TSEN2: variants seen among roughly 807,000 people sequenced by gnomAD.
TSEN2 encodes the protein tRNA splicing endonuclease subunit 2.
Under a neutral mutation model 59.2 loss-of-function variants are expected in TSEN2, and 54 were observed. That is an observed-to-expected ratio of 0.91 (90% confidence interval 0.73 to 1.14). TSEN2 has a LOEUF of 1.14. Ranked by LOEUF, TSEN2 falls within the 50% of genes most tolerant of loss-of-function variation. The pLI is 0.00. For missense variants in TSEN2, 636 were observed against 576.2 expected, an observed-to-expected ratio of 1.10 and a Z score of -1.06; for synonymous variants, 195 against 198.2, an observed-to-expected ratio of 0.98 and a Z score of 0.14.
upstream of TSEN2, among the ~76,000 whole-genome samples, chr3:12,482,903 C>T (rs2052233816): frequency 6.6e-6 from 1 of 152,246 alleles, no homozygotes; most frequent in Non-Finnish European, 1.5e-5. Context: ...TTACCATATC[C>T]TGTGACTCTT....
intron 1 of TSEN2, among the ~76,000 whole-genome samples, chr3:12,485,547 CCT>C (rs2052529849): frequency 1.3e-5 from 2 of 152,122 alleles, no homozygotes; most frequent in Admixed American, 1.3e-4. Context: ...TTTGAATAGA[CCT>C]TGCTGTTACC....
At chr3:12,492,454 T>C (rs909518605) in intron 3 of TSEN2, among the ~76,000 whole-genome samples, 1 of 152,202 alleles carries the variant, frequency 6.6e-6, no homozygotes, top group African/African-American at 2.4e-5. Context: ...GTTAAGTGTT[T>C]GCTTAGCAGA....
At position 12,506,743 on chromosome 3, in the gene TSEN2, G is replaced by A. The variant is rs146852986; in HGVS notation, c.909+1512G>A. On this transcript the variant is annotated intron_variant, in intron 6 of 11. Coordinates refer to ENST00000284995, the MANE Select transcript of TSEN2 (RefSeq NM_025265.4). ...AATGTCTTTTCTGCCTTTGAAGCTA[G>A]GACCGCTTCTTGGGCTCCCCTCTTC... 293 of 985,314 alleles carry A rather than the reference G, an allele frequency of 3.0e-4. 1 individual carries two copies. In the African/African-American group the frequency reaches 4.9e-3, roughly 16 times the overall value. The allele number at this position is 985,314 out of a possible 1,614,324, so 61.0% of individuals were successfully genotyped here. A position where few individuals can be genotyped will look rare whatever the true frequency, so the allele number is the denominator to read the frequency against.
In TSEN2 at chr3:12,532,881, G is replaced by C; in HGVS notation, c.*160G>C. 1 of 730,252 alleles carries C rather than the reference G, an allele frequency of 1.4e-6. No individual in the cohort carries two copies. Among genetic ancestry groups the C allele is most frequent in the Non-Finnish European group, 2.3e-6 (1 of 427,872 alleles). 45.2% of individuals were successfully genotyped at this position (730,252 alleles called of 1,614,324 possible). A position where few individuals can be genotyped will look rare whatever the true frequency, so the allele number is the denominator to read the frequency against. On this transcript the variant is annotated 3_prime_UTR_variant, in exon 12 of 12. Coordinates refer to ENST00000284995, the MANE Select transcript of TSEN2 (RefSeq NM_025265.4). Reference sequence around the variant, plus strand: ...GTGTTTTTAAAGATAAATTACACAAGGGAGGAGAAAGATCCCTGTGCTAGG... The same window carrying C: ...GTGTTTTTAAAGATAAATTACACAACGGAGGAGAAAGATCCCTGTGCTAGG...
rs1201423202 is a variant in TSEN2, at chr3:12,516,666, G to C, written c.960+5G>C. 20 of 1,613,874 alleles carry C rather than the reference G, an allele frequency of 1.2e-5. No homozygotes were observed. Among genetic ancestry groups the C allele is most frequent in the Non-Finnish European group, 1.7e-5 (20 of 1,179,878 alleles). On this transcript the variant is annotated splice_donor_5th_base_variant and intron_variant, in intron 7 of 11. Coordinates refer to ENST00000284995, the MANE Select transcript of TSEN2 (RefSeq NM_025265.4). ...TTAAGTATTTACTATGAGAAGGTAAGATGCTTTGTTTACATACAACCCACT... is the reference window on the plus strand; with the variant it reads ...TTAAGTATTTACTATGAGAAGGTAACATGCTTTGTTTACATACAACCCACT...
At chr3:12,503,137 T>C (rs2054470567) in intron 4 of TSEN2, 125 bp from the exon 5 acceptor site, 1 of 988,222 alleles carries the variant, frequency 1.0e-6, no homozygotes, top group Non-Finnish European at 1.6e-6. Context: ...TTATCTATAA[T>C]GCACCATTCA....
At chr3:12,496,191 A>T (rs935424066) in intron 3 of TSEN2, among the ~76,000 whole-genome samples, 1 of 152,172 alleles carries the variant, frequency 6.6e-6, no homozygotes, top group Non-Finnish European at 1.5e-5. Context: ...CAGCATTCTC[A>T]TTTGGAAGTT....
chr3:12,535,300 C>T (rs550717117), downstream of TSEN2, among the ~76,000 whole-genome samples: 15 of 152,174 alleles, frequency 9.9e-5, no homozygotes, highest in African/African-American at 3.1e-4. Context: ...ACACTATAAC[C>T]GAGGCCCATT....
At chr3:12,507,868 G>A (rs1358551530) in intron 6 of TSEN2, among the ~76,000 whole-genome samples, 4 of 152,236 alleles carry the variant, frequency 2.6e-5, no homozygotes, top group African/African-American at 9.6e-5. Context: ...CCATCTTGCA[G>A]GGCTGAGGTG....
At chr3:12,494,146 C>T (rs2053507920) in intron 3 of TSEN2, among the ~76,000 whole-genome samples, 2 of 152,168 alleles carry the variant, frequency 1.3e-5, no homozygotes, top group African/African-American at 2.4e-5. Flanking sequence ...AAAGAAATAG[C>T]ACAGGGCTAT....
At chr3:12,509,660 C>G (rs1011175658) in intron 6 of TSEN2, among the ~76,000 whole-genome samples, 1 of 152,170 alleles carries the variant, frequency 6.6e-6, no homozygotes, top group Non-Finnish European at 1.5e-5. Flanking sequence ...AAGATTCCCA[C>G]CATGGCAGCA....
At chr3:12,489,335 G>A (rs2052975061) in intron 1 of TSEN2, among the ~76,000 whole-genome samples, 1 of 152,188 alleles carries the variant, frequency 6.6e-6, no homozygotes, top group South Asian at 2.1e-4. Context: ...GTGCCTGCAA[G>A]ATTTAATTTG....
In TSEN2 at chr3:12,489,820, A is replaced by G; in HGVS notation, c.20A>G (p.His7Arg). The change falls in exon 2 of 12, where the codon CAT (histidine) becomes CGT (arginine). Residue 7 changes from histidine to arginine, a missense_variant. Transcript: ENST00000284995. The part of the protein sequence containing the change: MAEAVF[H>R]APKRKRRVYE... The stretch of plus-strand genomic sequence containing the variant: ...TGAAAAATGGCAGAAGCAGTTTTCC[A>G]TGCCCCAAAGAGGAAAAGAAGAGTG... 9 of 1,613,756 alleles carry G rather than the reference A, an allele frequency of 5.6e-6. No homozygotes were observed. The highest frequency in any genetic ancestry group is 7.6e-6 in the Non-Finnish European group (9 of 1,180,026).
intron 9 of TSEN2, 148 bp from the exon 10 acceptor site, chr3:12,529,614 A>G: frequency 1.4e-6 from 1 of 707,886 alleles, no homozygotes; most frequent in Middle Eastern, 4.1e-4. Context: ...ATTTTTCATT[A>G]ATATTTTCTC....
intron 8 of TSEN2, 80 bp from the exon 9 acceptor site, chr3:12,528,808 A>G: frequency 6.7e-7 from 1 of 1,499,652 alleles, no homozygotes; most frequent in East Asian, 2.3e-5. Context: ...AAAGTTAATA[A>G]AGCAAGCTTT....
chr3:12,493,315 TG>T (rs2053416395), intron 3 of TSEN2, among the ~76,000 whole-genome samples: 1 of 152,250 alleles, frequency 6.6e-6, no homozygotes, highest in Non-Finnish European at 1.5e-5. Context: ...GATAATTGTC[TG>T]TTTAACATTT....
At chr3:12,531,926 G>C (rs1184776912) in intron 11 of TSEN2, among the ~76,000 whole-genome samples, 2 of 152,162 alleles carry the variant, frequency 1.3e-5, no homozygotes, top group Non-Finnish European at 2.9e-5. Context: ...CAGGTGGCCT[G>C]TGACCCCCTG....
chr3:12,489,766 G>C lies in TSEN2; in HGVS notation c.-17-18G>C. The C allele has an allele frequency of 6.2e-7, 1 of 1,602,762 alleles. No homozygotes were observed. The highest frequency in any genetic ancestry group is 8.5e-7 in the Non-Finnish European group (1 of 1,175,376). The stretch of plus-strand genomic sequence containing the variant: ...ATTGATTGTCTGTTTCTTTCTGTTT[G>C]TTGTCTACTCTTTAAAGAATACCTC... On this transcript the variant is annotated intron_variant, in intron 1 of 11. Coordinates refer to ENST00000284995, the MANE Select transcript of TSEN2 (RefSeq NM_025265.4).
intron 8 of TSEN2, among the ~76,000 whole-genome samples, chr3:12,527,101 C>T (rs186099478): frequency 6.6e-6 from 1 of 152,320 alleles, no homozygotes; most frequent in Admixed American, 6.5e-5. Flanking sequence ...TGGTTTCTTT[C>T]CAGTACACTC....
Sources: allele counts gnomAD v4.1 joint callset (sites outside exome capture counted in the v4.1 genomes callset), GRCh38; gene constraint gnomAD v4.1.1; transcripts MANE v1.5; gene names NCBI Gene and HGNC (gene_info 2026-07-23, HGNC 2026-07-21).